CEMIP: variants seen among roughly 807,000 people sequenced by gnomAD.
The protein encoded by CEMIP is cell migration-inducing and hyaluronan-binding protein.
A neutral mutation model predicts 156.9 loss-of-function variants in CEMIP; 105 were observed. The observed-to-expected ratio is 0.67, with a 90% confidence interval of 0.57 to 0.79. CEMIP has a LOEUF of 0.79. CEMIP is among the 30% of genes least tolerant of loss of function. The pLI, the probability that CEMIP is intolerant of heterozygous loss-of-function variation, is 0.00. For missense variants in CEMIP, 1,457 were observed against 1,769.4 expected (o/e 0.82, Z 3.17); for synonymous variants, 676 against 668.4 (o/e 1.01, Z -0.17).
chr15:80,924,746 G>A (rs768292022), intron 18 of CEMIP, 40 bp downstream of exon 18: 2 of 1,542,130 alleles, frequency 1.3e-6, no homozygotes, highest in South Asian at 2.2e-5. Context: ...CGGTGACCTT[G>A]CAGTCCAGCT....
chr15:80,944,802 T>C (rs1331988410), intron 28 of CEMIP, among the ~76,000 whole-genome samples: 9 of 152,226 alleles, frequency 5.9e-5, no homozygotes, highest in Non-Finnish European at 1.3e-4. Flanking sequence ...TGAAAGATGA[T>C]GCAGAAGCTT....
intron 10 of CEMIP, among the ~76,000 whole-genome samples, chr15:80,889,928 C>T (rs1898979262): frequency 6.6e-6 from 1 of 152,216 alleles, no homozygotes; most frequent in Non-Finnish European, 1.5e-5. Flanking sequence ...CTTGAGTGCA[C>T]AGGATGCAGC....
intron 1 of CEMIP, among the ~76,000 whole-genome samples, chr15:80,815,037 T>C (rs1348448234): frequency 6.6e-6 from 1 of 152,200 alleles, no homozygotes; most frequent in Non-Finnish European, 1.5e-5. Flanking sequence ...CTTTTCCTGA[T>C]CCCTGAGAGG....
chr15:80,856,677 G>C (rs1201212977), intron 1 of CEMIP, among the ~76,000 whole-genome samples: 1 of 152,108 alleles, frequency 6.6e-6, no homozygotes, highest in Non-Finnish European at 1.5e-5. Context: ...CCTGGCCCTG[G>C]GTAAGCACTA....
At chr15:80,910,177 G>C (rs1307037801) in intron 14 of CEMIP, among the ~76,000 whole-genome samples, 1 of 152,166 alleles carries the variant, frequency 6.6e-6, no homozygotes, top group Non-Finnish European at 1.5e-5. Flanking sequence ...TAAAAATTAA[G>C]AGATTCTACA....
chr15:80,902,732 TCTC>T (rs1389236871), intron 12 of CEMIP, among the ~76,000 whole-genome samples: 1 of 152,052 alleles, frequency 6.6e-6, no homozygotes, highest in Non-Finnish European at 1.5e-5. Context: ...CTGCCCAACT[TCTC>T]CTACGGAACA....
chr15:80,847,953 C>T (rs896808278), intron 1 of CEMIP, among the ~76,000 whole-genome samples: 3 of 152,218 alleles, frequency 2.0e-5, no homozygotes, highest in African/African-American at 7.2e-5. Context: ...AGTCACGATG[C>T]ACAGCTCTCC....
At chr15:80,877,663 G>C (rs147113126) in intron 3 of CEMIP, among the ~76,000 whole-genome samples, 3 of 152,144 alleles carry the variant, frequency 2.0e-5, no homozygotes, top group Admixed American at 1.3e-4. Flanking sequence ...CCTCACTCAA[G>C]CCCACCTCAG....
At chr15:80,835,799 G>T (rs1337685517) in intron 1 of CEMIP, among the ~76,000 whole-genome samples, 2 of 152,058 alleles carry the variant, frequency 1.3e-5, no homozygotes, top group Admixed American at 1.3e-4. Context: ...CTTCTCCCAC[G>T]GTCTGTTTCT....
rs950139073 is a variant in CEMIP, at chr15:80,906,990, G to A, written c.1587+152G>A. ...CTTCTGGAAGTTTGAGAAGTCTTAT[G>A]TATTATCCATTAGTGTGCAGCTCCC... On this transcript the variant is annotated intron_variant, in intron 13 of 29. Transcript: ENST00000394685. The surrounding 1 kb of genome is among the most constrained non-coding windows in gnomAD (Gnocchi z 4.3). 2.2e-5 allele frequency: 17 copies of A among 779,720 alleles called. No individual in the cohort carries two copies. The African/African-American group carries it at 2.3e-4, about 11-fold the overall frequency. The allele number at this position is 779,720 out of a possible 1,614,324, so 48.3% of individuals were successfully genotyped here.
At chr15:80,881,174 T>C (rs563303371) in intron 6 of CEMIP, 38 bp downstream of exon 6, 118 of 1,558,604 alleles carry the variant, frequency 7.6e-5, no homozygotes, top group Middle Eastern at 1.7e-4. Flanking sequence ...ACTCATTCAT[T>C]CAAAGTACAC....
chr15:80,883,973 C>T (rs1448776626), intron 6 of CEMIP, among the ~76,000 whole-genome samples: 1 of 152,224 alleles, frequency 6.6e-6, no homozygotes, highest in Non-Finnish European at 1.5e-5. Flanking sequence ...CAAGTCAAAA[C>T]CCTTCTTCTT....
chr15:80,805,348 A>G (rs1270684246), intron 1 of CEMIP, among the ~76,000 whole-genome samples: 2 of 152,230 alleles, frequency 1.3e-5, no homozygotes, highest in Non-Finnish European at 2.9e-5. Context: ...GACAATATTT[A>G]CAAAGCAGAC....
At chr15:80,785,965 T>C (rs1314666209) in intron 1 of CEMIP, among the ~76,000 whole-genome samples, 1 of 152,218 alleles carries the variant, frequency 6.6e-6, no homozygotes, top group African/African-American at 2.4e-5. Flanking sequence ...ACCTTTAGTC[T>C]TCTAGACTAG....
At chr15:80,897,634 G>A (rs983798107) in intron 12 of CEMIP, among the ~76,000 whole-genome samples, 1 of 152,190 alleles carries the variant, frequency 6.6e-6, no homozygotes. Flanking sequence ...AACAGAGTCT[G>A]CTTTTTTAAT....
At chr15:80,907,680 A>G (rs1017333210) in intron 13 of CEMIP, among the ~76,000 whole-genome samples, 2 of 152,250 alleles carry the variant, frequency 1.3e-5, no homozygotes, top group African/African-American at 2.4e-5. Context: ...ACCGCACAAT[A>G]TAGGAAAACG....
At chr15:80,914,532 G>A (rs914727455) in intron 14 of CEMIP, among the ~76,000 whole-genome samples, 40 of 152,172 alleles carry the variant, frequency 2.6e-4, no homozygotes, top group Non-Finnish European at 5.9e-5. Context: ...CCCAGCCCCA[G>A]GGACACATCC....
At chr15:80,945,866 C>T (rs1233967843) in intron 28 of CEMIP, among the ~76,000 whole-genome samples, 1 of 152,244 alleles carries the variant, frequency 6.6e-6, no homozygotes, top group Non-Finnish European at 1.5e-5. Context: ...TTTCCCAGCA[C>T]TTTGGACTGA....
At chr15:80,888,998 G>A (rs1898944361) in intron 9 of CEMIP, among the ~76,000 whole-genome samples, 1 of 152,204 alleles carries the variant, frequency 6.6e-6, no homozygotes, top group Non-Finnish European at 1.5e-5. Context: ...GTTCTCCTCT[G>A]GCTAAGATTT....
Sources: allele counts gnomAD v4.1 joint callset (sites outside exome capture counted in the v4.1 genomes callset), GRCh38; gene constraint gnomAD v4.1.1; non-coding constraint Gnocchi (gnomAD v3.1); transcripts MANE v1.5; gene names NCBI Gene and HGNC (gene_info 2026-07-23, HGNC 2026-07-21).